Variants in OPN5 observed in about 807,000 individuals in gnomAD.
OPN5 encodes the protein opsin 5.
Under a neutral mutation model 41.7 loss-of-function variants are expected in OPN5, and 18 were observed. The observed-to-expected ratio is 0.43, with a 90% CI of 0.30 to 0.64. The LOEUF is 0.64. Among genes scored for constraint, OPN5 ranks in the 30% least tolerant of loss-of-function variants. The pLI, the probability that OPN5 is intolerant of heterozygous loss-of-function variation, is 0.13. For synonymous variants in OPN5, 178 were observed against 164.3 expected (o/e 1.08, Z -0.64); for missense variants, 318 against 434.5 (o/e 0.73, Z 2.38).
chr6:47,804,581 G>A (rs1773893957), intron 4 of OPN5, among the ~76,000 whole-genome samples: 1 of 152,122 alleles, frequency 6.6e-6, no homozygotes. Context: ...TTAATATTTT[G>A]TGGAGTATAT....
chr6:47,794,140 G>C (rs973334923), intron 3 of OPN5, among the ~76,000 whole-genome samples: 2 of 152,152 alleles, frequency 1.3e-5, no homozygotes, highest in Non-Finnish European at 2.9e-5. Context: ...TAACCCATAT[G>C]CAATATAGTC....
intron 6 of OPN5, among the ~76,000 whole-genome samples, chr6:47,820,546 T>A (rs1263467343): frequency 6.6e-6 from 1 of 152,202 alleles, no homozygotes; most frequent in Non-Finnish European, 1.5e-5. Flanking sequence ...AGAGCTGATT[T>A]CTATTCCTTT....
At chr6:47,813,429 CT>C (rs1762324424) in intron 6 of OPN5, among the ~76,000 whole-genome samples, 1 of 152,160 alleles carries the variant, frequency 6.6e-6, no homozygotes, top group Admixed American at 6.5e-5. Flanking sequence ...AGAAGCACCC[CT>C]GGGTACCAAC....
chr6:47,798,465 T>C (rs565474157), intron 4 of OPN5, among the ~76,000 whole-genome samples: 15 of 151,952 alleles, frequency 9.9e-5, no homozygotes, highest in African/African-American at 3.4e-4. Flanking sequence ...AGGCTCACTC[T>C]AGACCAGATT....
chr6:47,810,967 AT>A (rs1469155717), intron 5 of OPN5, among the ~76,000 whole-genome samples: 7 of 152,134 alleles, frequency 4.6e-5, no homozygotes, highest in Non-Finnish European at 8.8e-5. Context: ...CCGTTGTTTA[AT>A]TGTTTACCTC....
chr6:47,801,084 T>G lies in OPN5; in HGVS notation c.756+5521T>G, dbSNP rs187042658. Among the ~76,000 whole-genome samples, 167 of 152,270 alleles carry G rather than the reference T, an allele frequency of 1.1e-3. 1 individual carries two copies. The highest frequency in any genetic ancestry group is 3.7e-3 in the African/African-American group (153 of 41,558). On this transcript the variant is annotated intron_variant, in intron 4 of 6. Transcript: ENST00000371211. ...TGCTATGTATGAGCCATCAGAGCAC[T>G]TGGCACTTTATCTTTAGTGACACTG...
At chr6:47,795,863 CTCTGCTGA>C (rs1773553102) in intron 4 of OPN5, among the ~76,000 whole-genome samples, 2 of 151,946 alleles carry the variant, frequency 1.3e-5, no homozygotes, top group African/African-American at 4.8e-5. Flanking sequence ...GGCTTATCTG[CTCTGCTGA>C]ATAGGGTACT....
In OPN5 at chr6:47,811,663, C is replaced by A; in HGVS notation, c.999-11C>A. ...AGATATTAAATTGCATTTTTCTTCT[C>A]CTATATCTAGGCTGCACACCGTAAC... On this transcript the variant is annotated splice_polypyrimidine_tract_variant and intron_variant, in intron 5 of 6. Coordinates refer to ENST00000371211, the Ensembl canonical transcript of OPN5. 6.2e-7 allele frequency: 1 copy of A among 1,604,282 alleles called. No homozygotes were observed. Among genetic ancestry groups the A allele is most frequent in the South Asian group, 1.1e-5 (1 of 90,732 alleles).
At chr6:47,811,711 G>A (rs757458807) in exon 6 of OPN5, 3 of 1,612,386 alleles carry the variant, frequency 1.9e-6, no homozygotes, top group South Asian at 2.2e-5. Flanking sequence ...GTCTTCTGCT[G>A]TGCTGGAAAT....
downstream of OPN5, chr6:47,826,094 G>C (rs1188253905): frequency 6.6e-6 from 1 of 151,724 alleles, no homozygotes; most frequent in East Asian, 1.9e-4. Flanking sequence ...AATTTTAATG[G>C]AATTTTTTGA....
At chr6:47,824,231 A>C (rs1412064597) in exon 7 of OPN5, 1 of 557,824 alleles carries the variant, frequency 1.8e-6, no homozygotes, top group Non-Finnish European at 3.2e-6. Flanking sequence ...GAGTGCCAGA[A>C]ACCCACGCTT....
chr6:47,803,818 A>G (rs1773864268), intron 4 of OPN5, among the ~76,000 whole-genome samples: 1 of 152,088 alleles, frequency 6.6e-6, no homozygotes, highest in African/African-American at 2.4e-5. Flanking sequence ...ATTCTGCCCC[A>G]CTCACACTGC....
chr6:47,819,379 A>AATATATATATATATAT (rs544310153), intron 6 of OPN5, among the ~76,000 whole-genome samples: 1,755 of 95,942 alleles, frequency 0.018, 39 homozygotes, highest in Non-Finnish European at 0.028. Flanking sequence ...TATAAGTAGA[A>AATATATATATATATAT]ATATATATAT....
chr6:47,818,264 T>G (rs2114007398), intron 6 of OPN5, among the ~76,000 whole-genome samples: 1 of 152,300 alleles, frequency 6.6e-6, no homozygotes, highest in East Asian at 1.9e-4. Flanking sequence ...CATGTGGGAT[T>G]TATTCAAACT....
chr6:47,791,298 T>TAAA (rs75693501), intron 2 of OPN5, among the ~76,000 whole-genome samples: 2 of 149,748 alleles, frequency 1.3e-5, no homozygotes, highest in Admixed American at 6.7e-5. Flanking sequence ...CTATTTCTGG[T>TAAA]AAAAAAAAAA....
chr6:47,808,307 A>C (rs748306671), exon 5 of OPN5: 1 of 1,614,036 alleles, frequency 6.2e-7, no homozygotes, highest in Non-Finnish European at 8.5e-7. Flanking sequence ...GTACAATCCC[A>C]TCATTTACCA....
intron 4 of OPN5, among the ~76,000 whole-genome samples, chr6:47,799,104 G>A (rs59285031): frequency 0.15 from 22,336 of 151,430 alleles, 1,765 homozygotes; most frequent in Middle Eastern, 0.17. Flanking sequence ...TCTCTACTTT[G>A]TAGCTTTTTT....
intron 2 of OPN5, among the ~76,000 whole-genome samples, chr6:47,791,506 G>T (rs987905132): frequency 2.0e-5 from 3 of 152,172 alleles, no homozygotes; most frequent in Non-Finnish European, 4.4e-5. Context: ...CTGAAGCCAG[G>T]TCTCTTTGAG....
In OPN5 at chr6:47,819,445, T is replaced by G. The variant is rs535047397; in HGVS notation, c.1057-4538T>G. Among the ~76,000 whole-genome samples the G allele has an allele frequency of 2.0e-4, 27 of 138,116 alleles. No homozygotes were observed. In the South Asian group the frequency reaches 6.2e-3, roughly 32 times the overall value. The allele number at this position is 138,116 out of a possible 152,430, so 90.6% of individuals were successfully genotyped here. ...GTGATACTAGAGAGGAGAAAGGGAG[T>G]AATTTATTCCACATTCAGTAGTTTA... On this transcript the variant is annotated intron_variant, in intron 6 of 6. Coordinates refer to ENST00000371211, the Ensembl canonical transcript of OPN5.
Sources: allele counts gnomAD v4.1 joint callset (sites outside exome capture counted in the v4.1 genomes callset), GRCh38; gene constraint gnomAD v4.1.1; transcripts MANE v1.5; gene names NCBI Gene and HGNC (gene_info 2026-07-23, HGNC 2026-07-21).